PDS5B: variants seen among roughly 807,000 people sequenced by gnomAD.
The protein encoded by PDS5B is sister chromatid cohesion protein PDS5 homolog B.
Under a neutral mutation model 184.1 loss-of-function variants are expected in PDS5B, and 51 were observed. The observed-to-expected ratio is 0.28, with a 90% confidence interval of 0.22 to 0.35. The LOEUF is 0.35. PDS5B is among the 10% of genes least tolerant of loss of function. PDS5B has a pLI of 1.00. For synonymous variants in PDS5B, 566 were observed against 569.2 expected (o/e 0.99, Z 0.08); for missense variants, 1,180 against 1,723.3 (o/e 0.68, Z 5.58).
chr13:32,615,293 T>C (rs1220571907), intron 1 of PDS5B, among the ~76,000 whole-genome samples: 1 of 152,186 alleles, frequency 6.6e-6, no homozygotes, highest in Non-Finnish European at 1.5e-5. Flanking sequence ...TCCTGGTACT[T>C]TTGTTATGAA....
intron 9 of PDS5B, among the ~76,000 whole-genome samples, chr13:32,678,608 T>TA (rs1348496782): frequency 6.6e-6 from 1 of 152,214 alleles, no homozygotes; most frequent in Non-Finnish European, 1.5e-5. Context: ...TCAGGTTCCT[T>TA]AAAATCACAT....
At chr13:32,765,749 A>G (rs1344510306) in intron 31 of PDS5B, among the ~76,000 whole-genome samples, 1 of 152,110 alleles carries the variant, frequency 6.6e-6, no homozygotes, top group Non-Finnish European at 1.5e-5. Context: ...GACCACAGGC[A>G]TGTGCCAGCA....
At chr13:32,693,833 C>G (rs950664263) in intron 13 of PDS5B, among the ~76,000 whole-genome samples, 2 of 151,454 alleles carry the variant, frequency 1.3e-5, no homozygotes, top group Non-Finnish European at 3.0e-5. Context: ...ATAAATAATT[C>G]CAGACTGTTT....
chr13:32,717,847 C>T (rs1338117789), intron 19 of PDS5B, among the ~76,000 whole-genome samples: 1 of 150,988 alleles, frequency 6.6e-6, no homozygotes, highest in Non-Finnish European at 1.5e-5. Flanking sequence ...ATTTTCTTTA[C>T]AGCCAGGATA....
chr13:32,765,595 TTTTTG>T lies in PDS5B; in HGVS notation c.3624+1021_3624+1025del, dbSNP rs202036157. Among the ~76,000 whole-genome samples, 605 of 152,276 alleles carry T rather than the reference TTTTTG, an allele frequency of 4.0e-3. 5 individuals are homozygous for T. The highest frequency in any genetic ancestry group is 0.014 in the African/African-American group (579 of 41,554). On this transcript the variant is annotated intron_variant, in intron 31 of 34. Transcript: ENST00000315596. Reference sequence around the variant, plus strand: ...ATTTCCATTTAGAAAGAATTATTCTTTTTTGTTTTGTTTTGTTTTGTTTTTTGAGA... The same window carrying T: ...ATTTCCATTTAGAAAGAATTATTCTTTTTTGTTTTGTTTTGTTTTTTGAGA...
At chr13:32,767,691 T>C (rs1012132681) in intron 31 of PDS5B, among the ~76,000 whole-genome samples, 1 of 152,100 alleles carries the variant, frequency 6.6e-6, no homozygotes, top group Non-Finnish European at 1.5e-5. Context: ...GGAGGACCTA[T>C]ATGTAGAAAA....
At chr13:32,609,205 C>G (rs748995382) in intron 1 of PDS5B, among the ~76,000 whole-genome samples, 6 of 152,174 alleles carry the variant, frequency 3.9e-5, no homozygotes, top group Non-Finnish European at 5.9e-5. Flanking sequence ...GGCTCCAAAT[C>G]CCTTTATCCG....
At position 32,684,000 on chromosome 13, in the gene PDS5B, A is replaced by T. The variant is rs750827034; in HGVS notation, c.1180A>T (p.Arg394Ter). The change falls in exon 11 of 35, where the codon AGA (arginine) becomes TGA (stop). Residue 394 changes from arginine (R) to a stop codon, truncating the protein, a stop_gained. Transcript: ENST00000315596. LOFTEE classifies it high-confidence loss of function. ...LVNDHLLNFV[R>*]ERTLDKRWRV... ...CAATGATCACTTACTTAATTTTGTG[A>T]GAGAGAGAACATTAGACAAACGAGT... The T allele has an allele frequency of 6.4e-7, 1 of 1,569,438 alleles. No homozygotes were observed.
intron 17 of PDS5B, among the ~76,000 whole-genome samples, chr13:32,701,823 G>C (rs1951871146): frequency 6.6e-6 from 1 of 151,860 alleles, no homozygotes; most frequent in Non-Finnish European, 1.5e-5. Flanking sequence ...TTATACCCTT[G>C]GGAAACTAGG....
At chr13:32,669,035 C>T (rs1950868011) in intron 7 of PDS5B, among the ~76,000 whole-genome samples, 1 of 152,142 alleles carries the variant, frequency 6.6e-6, no homozygotes, top group African/African-American at 2.4e-5. Context: ...CAGGGAACTT[C>T]CAATACTGGT....
chr13:32,705,445 T>A (rs1378184103), intron 17 of PDS5B, among the ~76,000 whole-genome samples: 1 of 152,116 alleles, frequency 6.6e-6, no homozygotes, highest in African/African-American at 2.4e-5. Context: ...GATGATCAAT[T>A]TAAGGGGACC....
chr13:32,654,898 T>C (rs1253308040), intron 3 of PDS5B, among the ~76,000 whole-genome samples: 1 of 152,210 alleles, frequency 6.6e-6, no homozygotes, highest in East Asian at 1.9e-4. Flanking sequence ...CCATGGTGTA[T>C]ATGAAATATT....
At chr13:32,635,052 A>T in intron 1 of PDS5B, among the ~76,000 whole-genome samples, 1 of 131,864 alleles carries the variant, frequency 7.6e-6, no homozygotes, top group Admixed American at 8.3e-5. Flanking sequence ...CTTGTCACCT[A>T]GGCTGGAGTG....
At chr13:32,748,584 G>A (rs912137249) in intron 24 of PDS5B, among the ~76,000 whole-genome samples, 12 of 151,456 alleles carry the variant, frequency 7.9e-5, no homozygotes, top group Non-Finnish European at 1.8e-4. Flanking sequence ...CATCAGCAAC[G>A]TTAAGGTTTT....
chr13:32,627,619 AAAG>A (rs2058389802), intron 1 of PDS5B, among the ~76,000 whole-genome samples: 1 of 152,174 alleles, frequency 6.6e-6, no homozygotes, highest in Non-Finnish European at 1.5e-5. Context: ...ATGAAGGAAA[AAAG>A]AGAAAAATTA....
chr13:32,767,022 T>C (rs1383336517), intron 31 of PDS5B, among the ~76,000 whole-genome samples: 3 of 152,174 alleles, frequency 2.0e-5, no homozygotes, highest in South Asian at 4.1e-4. Flanking sequence ...TGCACAAAAC[T>C]CTAAATAAAT....
At chr13:32,676,189 G>A (rs955382393) in intron 9 of PDS5B, among the ~76,000 whole-genome samples, 2 of 151,908 alleles carry the variant, frequency 1.3e-5, no homozygotes, top group Admixed American at 1.3e-4. Flanking sequence ...TATCTCTTAT[G>A]GTATTATGAC....
chr13:32,588,156 A>G (rs546724610), intron 1 of PDS5B, among the ~76,000 whole-genome samples: 29 of 152,342 alleles, frequency 1.9e-4, no homozygotes, highest in African/African-American at 6.3e-4. Context: ...TCGCATCTTT[A>G]GGGACAATAA....
chr13:32,658,218 C>CT (rs891355092), intron 3 of PDS5B, 21 bp from the exon 4 acceptor site: 3 of 1,148,620 alleles, frequency 2.6e-6, no homozygotes, highest in Non-Finnish European at 3.9e-6. Flanking sequence ...CTAAATGGCA[C>CT]TTTGTCTTTT....
Sources: allele counts gnomAD v4.1 joint callset (sites outside exome capture counted in the v4.1 genomes callset), GRCh38; gene constraint gnomAD v4.1.1; transcripts MANE v1.5; gene names NCBI Gene and HGNC (gene_info 2026-07-23, HGNC 2026-07-21).